DCC: variants seen among roughly 807,000 people sequenced by gnomAD.
DCC encodes the protein netrin receptor DCC.
A neutral mutation model predicts 172.5 loss-of-function variants in DCC; 58 were observed. The observed-to-expected ratio is 0.34, with a 90% CI of 0.27 to 0.42. The LOEUF is 0.42. Among genes scored for constraint, DCC ranks in the 10% least tolerant of loss-of-function variants. The pLI, the probability that DCC is intolerant of heterozygous loss-of-function variation, is 1.00. For missense variants in DCC, 1,740 were observed against 1,791.0 expected (o/e 0.97, Z 0.51); for synonymous variants, 709 against 644.5 (o/e 1.10, Z -1.52).
At chr18:53,331,083 C>T (rs2144847859) in intron 14 of DCC, among the ~76,000 whole-genome samples, 1 of 152,318 alleles carries the variant, frequency 6.6e-6, no homozygotes, top group East Asian at 1.9e-4. Flanking sequence ...GAGCTAGAAA[C>T]ATCCATTGCT....
At chr18:52,744,360 A>G (rs1320451521) in intron 1 of DCC, among the ~76,000 whole-genome samples, 1 of 152,114 alleles carries the variant, frequency 6.6e-6, no homozygotes, top group Non-Finnish European at 1.5e-5. Flanking sequence ...CTATATTTTA[A>G]TGATCCTTAA....
intron 12 of DCC, among the ~76,000 whole-genome samples, chr18:53,230,853 A>G (rs920400010): frequency 2.6e-5 from 4 of 151,992 alleles, no homozygotes; most frequent in Non-Finnish European, 5.9e-5. Flanking sequence ...GTTGATAGTA[A>G]ATTCAGTGAT....
At chr18:52,947,798 A>C (rs2040572101) in intron 5 of DCC, among the ~76,000 whole-genome samples, 2 of 152,156 alleles carry the variant, frequency 1.3e-5, no homozygotes, top group Admixed American at 1.3e-4. Flanking sequence ...AGTGCAGGAC[A>C]ACCTCACGGC....
At chr18:53,242,865 CAAGT>C (rs1402665051) in intron 12 of DCC, among the ~76,000 whole-genome samples, 3 of 135,132 alleles carry the variant, frequency 2.2e-5, no homozygotes, top group Non-Finnish European at 4.8e-5. Flanking sequence ...CCTATGATGA[CAAGT>C]AGGTGTGTGT....
intron 1 of DCC, among the ~76,000 whole-genome samples, chr18:52,655,725 G>T (rs1484903706): frequency 6.6e-6 from 1 of 151,836 alleles, no homozygotes; most frequent in African/African-American, 2.4e-5. Context: ...TCCAATAGAA[G>T]CATAATAAAA....
At chr18:53,099,030 A>C (rs2043126027) in intron 7 of DCC, among the ~76,000 whole-genome samples, 1 of 152,036 alleles carries the variant, frequency 6.6e-6, no homozygotes, top group Non-Finnish European at 1.5e-5. Context: ...TAATAGTAAT[A>C]GTAATTTGTA....
At chr18:52,847,410 A>G (rs188677763) in intron 2 of DCC, among the ~76,000 whole-genome samples, 188 of 152,310 alleles carry the variant, frequency 1.2e-3, no homozygotes, top group African/African-American at 4.0e-3. Flanking sequence ...GTGTGCTTGA[A>G]CATCACAACA....
chr18:53,070,269 G>C (rs2042634829), intron 7 of DCC, among the ~76,000 whole-genome samples: 1 of 152,036 alleles, frequency 6.6e-6, no homozygotes, highest in African/African-American at 2.4e-5. Flanking sequence ...CAAAGTGCTG[G>C]GATTACAGGC....
intron 5 of DCC, among the ~76,000 whole-genome samples, chr18:53,050,805 T>C (rs1271861924): frequency 6.6e-6 from 1 of 152,128 alleles, no homozygotes; most frequent in Non-Finnish European, 1.5e-5. Flanking sequence ...GGACCTCCAG[T>C]ACTATGTTGA....
chr18:53,175,390 CCT>C (rs2055075822), intron 8 of DCC, among the ~76,000 whole-genome samples: 1 of 151,932 alleles, frequency 6.6e-6, no homozygotes, highest in Admixed American at 6.6e-5. Context: ...TCAAATTGTC[CCT>C]GTTTGCAGAC....
Position 52,513,848 on chromosome 18 carries a change from G to A in DCC, c.91+172970G>A, listed in dbSNP as rs530425991. Among the ~76,000 whole-genome samples, 7 of 152,240 alleles carry A rather than the reference G, an allele frequency of 4.6e-5. No individual in the cohort carries two copies. In the South Asian group the frequency reaches 1.0e-3, roughly 23 times the overall value. On this transcript the variant is annotated intron_variant, in intron 1 of 28. Transcript: ENST00000442544. Reference sequence around the variant, plus strand: ...AGTTCTTTGAGGTTTGTTTCATTTCGATTAACAGAGAAGTGCTGCAGCAGG... The same window carrying A: ...AGTTCTTTGAGGTTTGTTTCATTTCAATTAACAGAGAAGTGCTGCAGCAGG...
At chr18:53,041,110 G>GTGTCTATGTCCTGAATGGTAT (rs1555699525) in intron 5 of DCC, among the ~76,000 whole-genome samples, 8 of 150,758 alleles carry the variant, frequency 5.3e-5, no homozygotes, top group African/African-American at 1.2e-4. Context: ...GTCTTTGCCC[G>GTGTCTATGTCCTGAATGGTAT]TGCCTAGGTT....
At chr18:52,476,770 A>C (rs1598848749) in intron 1 of DCC, among the ~76,000 whole-genome samples, 1 of 152,154 alleles carries the variant, frequency 6.6e-6, no homozygotes, top group East Asian at 1.9e-4. Context: ...TTTCTTATTC[A>C]AGTAAGACTT....
chr18:53,282,424 A>G (rs1267921277), intron 12 of DCC, among the ~76,000 whole-genome samples: 2 of 152,168 alleles, frequency 1.3e-5, no homozygotes, highest in African/African-American at 4.8e-5. Context: ...AGAAGAGGCA[A>G]GAAGGCTTCT....
At chr18:52,594,199 C>T (rs957934732) in intron 1 of DCC, among the ~76,000 whole-genome samples, 2 of 152,148 alleles carry the variant, frequency 1.3e-5, no homozygotes, top group South Asian at 2.1e-4. Flanking sequence ...GAAACTTGTG[C>T]CTTCTGGGTG....
chr18:53,198,348 G>A (rs2055480632), intron 9 of DCC, among the ~76,000 whole-genome samples: 1 of 151,908 alleles, frequency 6.6e-6, no homozygotes, highest in African/African-American at 2.4e-5. Context: ...CTAATGACAG[G>A]TTTCTATCAT....
intron 9 of DCC, among the ~76,000 whole-genome samples, chr18:53,204,405 G>A (rs1438199460): frequency 6.6e-6 from 1 of 152,000 alleles, no homozygotes; most frequent in African/African-American, 2.4e-5. Flanking sequence ...AAAATAACTG[G>A]TCATGATGGT....
intron 1 of DCC, among the ~76,000 whole-genome samples, chr18:52,590,419 A>T (rs939572996): frequency 6.6e-6 from 1 of 152,198 alleles, no homozygotes; most frequent in Non-Finnish European, 1.5e-5. Flanking sequence ...GAGTAAAAAA[A>T]GTATAAAAAA....
rs151090512 is a variant in DCC at position 52,444,622 on chromosome 18, A to T, written c.91+103744A>T. ...ATAGCTGACTTTAGTTTATAGCAGG[A>T]GGGAAAGGTTAAAAGATTTGTTTTC... On this transcript the variant is annotated intron_variant, in intron 1 of 28. Coordinates refer to ENST00000442544, the MANE Select transcript of DCC (RefSeq NM_005215.4). Among the ~76,000 whole-genome samples the T allele has an allele frequency of 5.3e-5, 8 of 152,280 alleles. No homozygotes were observed. The East Asian group carries it at 1.5e-3, about 29-fold the overall frequency.
Sources: gnomAD v4.1 joint callset for allele counts (sites outside exome capture counted in the v4.1 genomes callset) on GRCh38, gnomAD v4.1.1 for gene constraint, MANE v1.5 for transcripts, NCBI Gene and HGNC (gene_info 2026-07-23, HGNC 2026-07-21) for gene names.